TBC1D30: variants seen among roughly 807,000 people sequenced by gnomAD.
TBC1D30 encodes the protein TBC1 domain family member 30.
A neutral mutation model predicts 63.2 loss-of-function variants in TBC1D30; 31 were observed. The observed-to-expected ratio is 0.49, with a 90% CI of 0.37 to 0.66. TBC1D30 has a LOEUF of 0.66. Among genes scored for constraint, TBC1D30 ranks in the 30% least tolerant of loss-of-function variants. The probability of loss-of-function intolerance (pLI) is 0.00; values close to 1 mark genes in which losing one functional copy is unlikely to be tolerated. For synonymous variants in TBC1D30, 307 were observed against 361.5 expected, an observed-to-expected ratio of 0.85 and a Z score of 1.71; for missense variants, 810 against 953.6, an observed-to-expected ratio of 0.85 and a Z score of 1.98.
intron 2 of TBC1D30, 70 bp from the exon 3 acceptor site, chr12:64,828,373 TG>T: frequency 8.9e-7 from 1 of 1,119,542 alleles, no homozygotes; most frequent in Non-Finnish European, 1.3e-6. Flanking sequence ...AATGTCAAGA[TG>T]GGAAAAAGAT....
chr12:64,858,519 C>A (rs561636289), intron 8 of TBC1D30, among the ~76,000 whole-genome samples: 44 of 152,230 alleles, frequency 2.9e-4, no homozygotes, highest in African/African-American at 1.0e-3. Context: ...CCCTTTAAGG[C>A]AGTGGGGTTC....
intron 2 of TBC1D30, among the ~76,000 whole-genome samples, chr12:64,808,245 G>A (rs544688314): frequency 7.2e-5 from 11 of 152,232 alleles, no homozygotes; most frequent in African/African-American, 2.2e-4. Flanking sequence ...CCACGTTTAT[G>A]TAGTACTTCT....
chr12:64,835,997 A>T (rs1346243052), intron 5 of TBC1D30, among the ~76,000 whole-genome samples: 1 of 152,236 alleles, frequency 6.6e-6, no homozygotes, highest in African/African-American at 2.4e-5. Context: ...GCGGACAAAG[A>T]GCCAACATGA....
chr12:64,844,924 T>A (rs550755388), intron 8 of TBC1D30, among the ~76,000 whole-genome samples: 1 of 152,344 alleles, frequency 6.6e-6, no homozygotes, highest in South Asian at 2.1e-4. Flanking sequence ...TTTCCATCCA[T>A]GTTGTTGCAA....
At chr12:64,797,554 C>T (rs1240782024) in intron 2 of TBC1D30, among the ~76,000 whole-genome samples, 9 of 152,118 alleles carry the variant, frequency 5.9e-5, no homozygotes, top group African/African-American at 1.7e-4. Context: ...ATCATGGGGA[C>T]GACTCTCTTT....
chr12:64,765,989 G>C (rs1039038282), intron 1 of TBC1D30, among the ~76,000 whole-genome samples: 1 of 152,100 alleles, frequency 6.6e-6, no homozygotes, highest in Non-Finnish European at 1.5e-5. Context: ...TCCAGCCTGG[G>C]TGACAGAGGG....
intron 11 of TBC1D30, among the ~76,000 whole-genome samples, chr12:64,871,948 T>A (rs184690319): frequency 6.6e-6 from 1 of 152,356 alleles, no homozygotes; most frequent in Admixed American, 6.5e-5. Flanking sequence ...CCCAGTGGTT[T>A]GTACCTTCAT....
At chr12:64,784,291 C>G (rs934156919) in intron 1 of TBC1D30, among the ~76,000 whole-genome samples, 1 of 152,028 alleles carries the variant, frequency 6.6e-6, no homozygotes, top group Non-Finnish European at 1.5e-5. Context: ...CTAAAAATCA[C>G]TCAGAGAGTT....
chr12:64,863,169 C>A (rs1877937306), intron 8 of TBC1D30, among the ~76,000 whole-genome samples: 2 of 152,262 alleles, frequency 1.3e-5, no homozygotes, highest in African/African-American at 2.4e-5. Flanking sequence ...ACAATAAAAT[C>A]TACATATCCC....
chr12:64,859,933 C>T (rs1877635060), intron 8 of TBC1D30, among the ~76,000 whole-genome samples: 1 of 152,070 alleles, frequency 6.6e-6, no homozygotes, highest in African/African-American at 2.4e-5. Flanking sequence ...AATCTCCTCT[C>T]TTTCCCACTC....
upstream of TBC1D30, among the ~76,000 whole-genome samples, chr12:64,824,170 G>A (rs1446879459): frequency 6.6e-6 from 1 of 151,840 alleles, no homozygotes; most frequent in Non-Finnish European, 1.5e-5. Context: ...TGCTTGAAAA[G>A]AGAACACTTT....
At chr12:64,772,439 AT>A (rs1423117021) in intron 1 of TBC1D30, among the ~76,000 whole-genome samples, 4 of 151,134 alleles carry the variant, frequency 2.6e-5, no homozygotes, top group Non-Finnish European at 4.4e-5. Context: ...TCCTTTATTT[AT>A]TTTTTTTGAG....
chr12:64,838,144 T>G (rs1021493657), intron 6 of TBC1D30, among the ~76,000 whole-genome samples: 3 of 152,200 alleles, frequency 2.0e-5, no homozygotes, highest in African/African-American at 7.2e-5. Flanking sequence ...TGGAAATATT[T>G]TTAAATGTAA....
chr12:64,798,805 C>CTTTT lies in TBC1D30; in HGVS notation c.643+12779_643+12782dup, dbSNP rs1227349778. On this transcript the variant is annotated intron_variant, in intron 2 of 12. Transcript: ENST00000542120. ...GCCAGGCTGGTCTGGCTTCAGGCAC[C>CTTTT]TTTTTTTTTTTTTTTTTTTTTTGTT... 1.1e-3 allele frequency among the ~76,000 whole-genome samples: 136 copies of CTTTT among 127,194 alleles called. 1 individual carries two copies. Among genetic ancestry groups the CTTTT allele is most frequent in the African/African-American group, 2.0e-3 (65 of 32,808 alleles). 83.4% of individuals were successfully genotyped at this position (127,194 alleles called of 152,430 possible). A position where few individuals can be genotyped will look rare whatever the true frequency, so the allele number is the denominator to read the frequency against.
intron 2 of TBC1D30, among the ~76,000 whole-genome samples, chr12:64,794,481 A>G (rs1034591848): frequency 1.3e-5 from 2 of 151,182 alleles, no homozygotes; most frequent in Non-Finnish European, 1.5e-5. Flanking sequence ...TCTGTTGCCC[A>G]TGTTGGAGTG....
chr12:64,875,856 T>C lies in TBC1D30; in HGVS notation c.*68T>C, dbSNP rs979533348. On this transcript the variant is annotated 3_prime_UTR_variant, in exon 12 of 12. Transcript: ENST00000539867. ...AGTATAAGGGTTGCAGCTGAATGGC[T>C]CTAAAAGAGTTTTATTTGTCCAGTG... 1.5e-5 allele frequency: 21 copies of C among 1,400,852 alleles called. No homozygotes were observed. In the South Asian group the frequency reaches 3.1e-4, roughly 21 times the overall value. 86.8% of individuals were successfully genotyped at this position (1,400,852 alleles called of 1,614,324 possible).
rs1878075106 is a variant in TBC1D30, at chr12:64,864,732, A to G, written c.1103A>G (p.Tyr368Cys). ...GCAGAGTTGAGGGAAAAATACACCTACAACATTACACCGTTCCCAGCCACA... is the reference window on the plus strand; with the variant it reads ...GCAGAGTTGAGGGAAAAATACACCTGCAACATTACACCGTTCCCAGCCACA... ...QLAELREKYT[Y>C]NITPFPATVK... The change falls in exon 9 of 12, where the codon TAC becomes TGC. Residue 368 changes from tyrosine (Y) to cysteine (C), a missense_variant. Tyr to Cys is a radical substitution (Grantham distance 194). This residue lies in a region of TBC1D30 where 83 missense variants were observed against 121.5 expected (regional missense o/e 0.68). Coordinates refer to ENST00000539867, the MANE Select transcript of TBC1D30 (RefSeq NM_015279.2). 2.0e-6 allele frequency: 3 copies of G among 1,536,168 alleles called. No individual in the cohort carries two copies. Among genetic ancestry groups the G allele is most frequent in the Non-Finnish European group, 2.6e-6 (3 of 1,146,902 alleles).
In TBC1D30 at chr12:64,875,558, C is replaced by G; in HGVS notation, c.2056C>G (p.Pro686Ala). The change falls in exon 12 of 12, where the codon CCG becomes GCG. Residue 686 changes from proline (P) to alanine (A), a missense_variant. Physicochemically the swap from Pro to Ala is conservative, Grantham distance 27 (BLOSUM62 -1). This residue lies in a region of TBC1D30 where 450 missense variants were observed against 473.0 expected (regional missense o/e 0.95). Coordinates refer to ENST00000539867, the MANE Select transcript of TBC1D30 (RefSeq NM_015279.2). Reference sequence around the variant, plus strand: ...CTGCCAGCGGCACTGCCCAGAGCCGCCGAGTGCACCCGAAGAAAACAAAGC... The same window carrying G: ...CTGCCAGCGGCACTGCCCAGAGCCGGCGAGTGCACCCGAAGAAAACAAAGC... ...PPCQRHCPEP[P>A]SAPEENKATS... 6.5e-7 allele frequency: 1 copy of G among 1,536,146 alleles called. No individual in the cohort carries two copies. Among genetic ancestry groups the G allele is most frequent in the African/African-American group, 1.4e-5 (1 of 73,150 alleles).
At chr12:64,820,806 A>G (rs1164411370), upstream of TBC1D30, among the ~76,000 whole-genome samples, 1 of 152,246 alleles carries the variant, frequency 6.6e-6, no homozygotes, top group Non-Finnish European at 1.5e-5. Context: ...GGCTTGGGCC[A>G]TCGCTGCTTT....
Sources: gnomAD v4.1 joint callset for allele counts (sites outside exome capture counted in the v4.1 genomes callset) on GRCh38, gnomAD v4.1.1 for gene constraint, gnomAD v4.1.1 regional missense constraint, MANE v1.5 for transcripts, NCBI Gene and HGNC (gene_info 2026-07-23, HGNC 2026-07-21) for gene names.